The following KIAA0319L variants were observed in gnomAD, a reference collection of about 807,000 sequenced individuals.
KIAA0319L encodes the protein KIAA0319 like.
A neutral mutation model predicts 120.1 loss-of-function variants in KIAA0319L; 55 were observed. The observed-to-expected ratio is 0.46, with a 90% confidence interval of 0.37 to 0.57. The LOEUF (loss-of-function observed/expected upper bound fraction) is 0.57. Ranked by LOEUF, KIAA0319L falls within the 20% of genes least tolerant of loss-of-function variation. The pLI is 0.00. For missense variants in KIAA0319L, 1,049 were observed against 1,255.3 expected, an observed-to-expected ratio of 0.84 and a Z score of 2.48; for synonymous variants, 398 against 471.9, an observed-to-expected ratio of 0.84 and a Z score of 2.03.
intron 2 of KIAA0319L, among the ~76,000 whole-genome samples, chr1:35,527,838 AT>A (rs1416575709): frequency 2.0e-5 from 3 of 148,808 alleles, no homozygotes; most frequent in Non-Finnish European, 3.0e-5. Context: ...CCAACTTTTC[AT>A]TTCTTTTTTT....
chr1:35,504,066 A>G lies in KIAA0319L; in HGVS notation c.666+2546T>C, dbSNP rs186910130. 3.9e-4 allele frequency among the ~76,000 whole-genome samples: 59 copies of G among 151,304 alleles called. 1 individual carries two copies. The highest frequency in any genetic ancestry group is 1.4e-3 in the African/African-American group (59 of 41,212). ...TCACCTCGCTAATTTTTGTATTTTT[A>G]GTAGAGGCGGGGTTTCACCATGTTG... On this transcript the variant is annotated intron_variant, in intron 3 of 20. Coordinates refer to ENST00000325722, the MANE Select transcript of KIAA0319L (RefSeq NM_024874.5).
intron 2 of KIAA0319L, among the ~76,000 whole-genome samples, chr1:35,535,655 G>A (rs1398701941): frequency 1.3e-5 from 2 of 152,106 alleles, no homozygotes; most frequent in East Asian, 1.9e-4. Context: ...AAAAAGCTCA[G>A]TATATATTAG....
intron 2 of KIAA0319L, among the ~76,000 whole-genome samples, chr1:35,545,810 G>A (rs1301678900): frequency 1.3e-5 from 2 of 152,050 alleles, no homozygotes; most frequent in East Asian, 1.9e-4. Flanking sequence ...CAGGAGAATC[G>A]CTTGAACCTG....
intron 7 of KIAA0319L, among the ~76,000 whole-genome samples, chr1:35,463,750 C>A (rs1371331586): frequency 6.6e-6 from 1 of 152,190 alleles, no homozygotes; most frequent in Non-Finnish European, 1.5e-5. Flanking sequence ...TATGGTCTGG[C>A]TGTGTCTCCA....
At chr1:35,534,305 T>C (rs1250626148) in intron 2 of KIAA0319L, among the ~76,000 whole-genome samples, 1 of 152,210 alleles carries the variant, frequency 6.6e-6, no homozygotes, top group Non-Finnish European at 1.5e-5. Flanking sequence ...CACCGTGGTA[T>C]TTCCATTTTT....
At chr1:35,475,199 C>G (rs1480722053) in intron 4 of KIAA0319L, among the ~76,000 whole-genome samples, 2 of 152,140 alleles carry the variant, frequency 1.3e-5, no homozygotes. Flanking sequence ...TCTTAAAACT[C>G]TTGGATATCA....
chr1:35,448,248 C>T lies in KIAA0319L; in HGVS notation c.2438G>A (p.Arg813His), dbSNP rs774329290. 6 of 1,614,058 alleles carry T rather than the reference C, an allele frequency of 3.7e-6. No individual in the cohort carries two copies. The highest frequency in any genetic ancestry group is 5.1e-6 in the Non-Finnish European group (6 of 1,179,954). ...LTERLKGMFI[R>H]QIGVLLGVLD... Reference sequence around the variant, plus strand: ...CACCCCCAGGAGGACCCCAATCTGGCGGATGAACATCCCCTTCAGCCTCTC... The same window carrying T: ...CACCCCCAGGAGGACCCCAATCTGGTGGATGAACATCCCCTTCAGCCTCTC... The change falls in exon 16 of 21, where the codon CGC becomes CAC. Residue 813 changes from arginine (R) to histidine (H), a missense_variant. By Grantham distance (29) the Arg-to-His change is conservative. Transcript: ENST00000325722.
rs1366452340 is a variant in KIAA0319L, at chr1:35,506,299, G to A, written c.666+313C>T. Among the ~76,000 whole-genome samples the A allele has an allele frequency of 2.0e-5, 3 of 152,196 alleles. No homozygotes were observed. The highest frequency in any genetic ancestry group is 4.4e-5 in the Non-Finnish European group (3 of 68,036). Reference sequence around the variant, plus strand: ...GTTTTGCAATTTGGCAGAAAATACTGCAGAATGGTTGGTGAATACTAACAG... The same window carrying A: ...GTTTTGCAATTTGGCAGAAAATACTACAGAATGGTTGGTGAATACTAACAG... On this transcript the variant is annotated intron_variant, in intron 3 of 20. Coordinates refer to ENST00000325722, the MANE Select transcript of KIAA0319L (RefSeq NM_024874.5). The surrounding 1 kb of genome is among the most constrained non-coding windows in gnomAD (Gnocchi z 4.0).
rs1027545167 is a variant in KIAA0319L at position 35,506,688 on chromosome 1, G to A, written c.590C>T (p.Thr197Ile). The A allele has an allele frequency of 6.2e-7, 1 of 1,614,062 alleles. No individual in the cohort carries two copies. The highest frequency in any genetic ancestry group is 1.3e-5 in the African/African-American group (1 of 74,918). Residue 197 changes from threonine to isoleucine, a missense_variant, in exon 3 of 21, where the codon ACA becomes ATA. Thr to Ile is a moderately conservative substitution (Grantham distance 89, BLOSUM62 -1). Transcript: ENST00000325722. The surrounding 1 kb of genome is among the most constrained non-coding windows in gnomAD (Gnocchi z 4.0). ...QKRGSPSDVV[T>I]PIVTQHSKVN... is the part of the protein sequence containing the mutation. ...TTTAGAATGCTGTGTCACTATAGGT[G>A]TAACTACGTCACTGGGACTACCTCT...
chr1:35,527,896 A>G (rs1325400778), intron 2 of KIAA0319L, among the ~76,000 whole-genome samples: 1 of 122,890 alleles, frequency 8.1e-6, no homozygotes, highest in African/African-American at 3.2e-5. Context: ...GATCTTCATT[A>G]TTTCCTTCCT....
chr1:35,531,371 C>G (rs1350165368), intron 2 of KIAA0319L, among the ~76,000 whole-genome samples: 1 of 152,184 alleles, frequency 6.6e-6, no homozygotes, highest in African/African-American at 2.4e-5. Flanking sequence ...CTGCTAGAGC[C>G]CTCTAGGCAG....
At chr1:35,465,452 C>A (rs1469841126) in intron 7 of KIAA0319L, among the ~76,000 whole-genome samples, 3 of 152,190 alleles carry the variant, frequency 2.0e-5, no homozygotes, top group Non-Finnish European at 4.4e-5. Context: ...TTTGGAACGG[C>A]TATATTTATC....
At chr1:35,520,003 T>C (rs1255467905) in intron 2 of KIAA0319L, among the ~76,000 whole-genome samples, 1 of 152,218 alleles carries the variant, frequency 6.6e-6, no homozygotes, top group Non-Finnish European at 1.5e-5. Context: ...TGGTCTCCAT[T>C]CTTATCAGCA....
intron 3 of KIAA0319L, among the ~76,000 whole-genome samples, chr1:35,485,289 T>C (rs1203428050): frequency 6.6e-6 from 1 of 152,208 alleles, no homozygotes; most frequent in East Asian, 1.9e-4. Flanking sequence ...ACTGATGCTC[T>C]GCTCGGTTTT....
Position 35,450,443 on chromosome 1 carries a change from G to A in KIAA0319L, c.2129C>T (p.Ala710Val), listed in dbSNP as rs1339333765. Residue 710 changes from alanine (A) to valine (V), a missense_variant, in exon 14 of 21, where the codon GCA becomes GTA. By Grantham distance (64) the Ala-to-Val change is moderately conservative. Coordinates refer to ENST00000325722, the MANE Select transcript of KIAA0319L (RefSeq NM_024874.5). ...NVVITLPTST[A>V]ELDGSKSSDD... The stretch of plus-strand genomic sequence containing the variant: ...TGAGGACTTAGAGCCATCCAGCTCT[G>A]CTGTGCTCGTGGGTAGGGTAATCAC... 6.2e-7 allele frequency: 1 copy of A among 1,613,880 alleles called. No homozygotes were observed. Among genetic ancestry groups the A allele is most frequent in the Non-Finnish European group, 8.5e-7 (1 of 1,179,742 alleles).
chr1:35,544,194 C>T (rs1313072764), intron 2 of KIAA0319L, among the ~76,000 whole-genome samples: 3 of 151,920 alleles, frequency 2.0e-5, no homozygotes, highest in African/African-American at 7.3e-5. Context: ...ACAGTGAAAC[C>T]CCATCTCTAC....
intron 1 of KIAA0319L, among the ~76,000 whole-genome samples, chr1:35,555,342 A>G (rs1647815718): frequency 6.6e-6 from 1 of 152,202 alleles, no homozygotes; most frequent in African/African-American, 2.4e-5. Flanking sequence ...AGCAAACGAC[A>G]CAGGCTGCCA....
At chr1:35,445,333 C>T (rs1312110545) in intron 16 of KIAA0319L, among the ~76,000 whole-genome samples, 2 of 152,160 alleles carry the variant, frequency 1.3e-5, no homozygotes, top group East Asian at 3.8e-4. Context: ...AAAACTTTTG[C>T]CATAAAGGAT....
At chr1:35,509,838 A>C (rs1361447740) in intron 2 of KIAA0319L, 1 of 152,726 alleles carries the variant, frequency 6.5e-6, no homozygotes, top group Non-Finnish European at 1.5e-5. Context: ...AACTATGGGA[A>C]TCTTGTGCCT....
Sources: allele counts gnomAD v4.1 joint callset (sites outside exome capture counted in the v4.1 genomes callset), GRCh38; gene constraint gnomAD v4.1.1; non-coding constraint Gnocchi (gnomAD v3.1); transcripts MANE v1.5; gene names NCBI Gene and HGNC (gene_info 2026-07-23, HGNC 2026-07-21).